PKD1L1: variants seen among roughly 807,000 people sequenced by gnomAD.
The protein encoded by PKD1L1 is polycystin 1 like 1, transient receptor potential channel interacting, also known as polycystin-1-like protein 1.
Under a neutral mutation model 323.4 loss-of-function variants are expected in PKD1L1, and 236 were observed. The observed-to-expected ratio is 0.73, with a 90% CI of 0.66 to 0.81. The LOEUF (loss-of-function observed/expected upper bound fraction) is 0.81. PKD1L1 is among the 40% of genes least tolerant of loss of function. The pLI is 0.00. For synonymous variants in PKD1L1, 1,344 were observed against 1,335.0 expected (o/e 1.01, Z -0.15); for missense variants, 3,320 against 3,508.0 (o/e 0.95, Z 1.35).
intron 52 of PKD1L1, among the ~76,000 whole-genome samples, chr7:47,806,143 G>T (rs1784772470): frequency 6.6e-6 from 1 of 152,196 alleles, no homozygotes; most frequent in Non-Finnish European, 1.5e-5. Flanking sequence ...GCTATTTACT[G>T]CAAGTCACCA....
intron 55 of PKD1L1, among the ~76,000 whole-genome samples, chr7:47,794,668 C>T (rs535104758): frequency 4.6e-5 from 7 of 152,274 alleles, no homozygotes; most frequent in East Asian, 3.9e-4. Flanking sequence ...GATCCTCTGA[C>T]AACTTGCACT....
At chr7:47,959,536 C>T in the PKD1L1 span, among the ~76,000 whole-genome samples, 257 of 147,590 alleles carry the variant, frequency 1.7e-3, no homozygotes, top group African/African-American at 2.4e-3. Context: ...AGGTGAGGAG[C>T]GTCTCTGCCC....
At chr7:47,862,444 C>T (rs1786053710) in intron 26 of PKD1L1, among the ~76,000 whole-genome samples, 2 of 152,094 alleles carry the variant, frequency 1.3e-5, no homozygotes, top group South Asian at 2.1e-4. Context: ...GTATCCATTG[C>T]CCATCTCTCT....
intron 7 of PKD1L1, among the ~76,000 whole-genome samples, chr7:47,922,733 A>G (rs1348504674): frequency 6.9e-6 from 1 of 145,568 alleles, no homozygotes; most frequent in Non-Finnish European, 1.5e-5. Flanking sequence ...CCGTCCGGCC[A>G]GCCGCCCCGT....
In PKD1L1 at chr7:47,910,484, G is replaced by A. The variant is rs557919271; in HGVS notation, c.1229-2234C>T. On this transcript the variant is annotated intron_variant, in intron 8 of 56. Coordinates refer to ENST00000289672, the MANE Select transcript of PKD1L1 (RefSeq NM_138295.5). ...TGAGTAGCTGGGACTACAGGTGCCC[G>A]CCACCATGCCTGGCTAATTTTGTTT... is the stretch of plus-strand genomic sequence containing the variant. Among the ~76,000 whole-genome samples, 13 of 151,594 alleles carry A rather than the reference G, an allele frequency of 8.6e-5. No homozygotes were observed. The East Asian group carries it at 1.8e-3, about 20-fold the overall frequency.
In PKD1L1 at chr7:47,946,489, C is replaced by T. The variant is rs1371258175; in HGVS notation, c.44+1908G>A. Among the ~76,000 whole-genome samples, 4 of 118,122 alleles carry T rather than the reference C, an allele frequency of 3.4e-5. No individual in the cohort carries two copies. Among genetic ancestry groups the T allele is most frequent in the African/African-American group, 8.5e-5 (3 of 35,474 alleles). The allele number at this position is 118,122 out of a possible 152,430, so 77.5% of individuals were successfully genotyped here. A position where few individuals can be genotyped will look rare whatever the true frequency, so the allele number is the denominator to read the frequency against. ...CACACATCGCACACACCACACACCA[C>T]GCACCACACAAACACACCATACACA... On this transcript the variant is annotated intron_variant, in intron 1 of 56. Coordinates refer to ENST00000289672, the MANE Select transcript of PKD1L1 (RefSeq NM_138295.5). The surrounding 1 kb of genome is among the most constrained non-coding windows in gnomAD (Gnocchi z 4.1).
chr7:47,810,350 A>G (rs1304820162), intron 50 of PKD1L1, among the ~76,000 whole-genome samples: 1 of 152,238 alleles, frequency 6.6e-6, no homozygotes, highest in Non-Finnish European at 1.5e-5. Flanking sequence ...GCCATTGCTT[A>G]CAATTTCCAT....
intron 5 of PKD1L1, 53 bp from the exon 6 acceptor site, chr7:47,931,374 A>G: frequency 6.3e-7 from 1 of 1,581,932 alleles, no homozygotes; most frequent in Non-Finnish European, 8.6e-7. Context: ...GTCTGGCATC[A>G]GTAGCTGATG....
chr7:47,899,278 G>A (rs1787025348), intron 13 of PKD1L1, among the ~76,000 whole-genome samples: 1 of 152,174 alleles, frequency 6.6e-6, no homozygotes, highest in Admixed American at 6.5e-5. Context: ...TTAAAGTGAT[G>A]GGTTTGTTGC....
intron 24 of PKD1L1, among the ~76,000 whole-genome samples, chr7:47,867,608 C>T (rs1786194692): frequency 6.6e-6 from 1 of 152,042 alleles, no homozygotes; most frequent in Non-Finnish European, 1.5e-5. Context: ...ATAGAAACTG[C>T]CTATGAGGAG....
intron 26 of PKD1L1, among the ~76,000 whole-genome samples, chr7:47,864,006 A>T (rs79133067): frequency 0.016 from 2,477 of 152,188 alleles, 65 homozygotes; most frequent in African/African-American, 0.055. Context: ...ATTTTTTTTT[A>T]AAATAAGTGA....
the PKD1L1 span, among the ~76,000 whole-genome samples, chr7:47,954,442 G>T: frequency 6.6e-6 from 1 of 152,282 alleles, no homozygotes; most frequent in South Asian, 2.1e-4. Flanking sequence ...GTTACCAGGA[G>T]AATGAGTTGT....
intron 49 of PKD1L1, among the ~76,000 whole-genome samples, chr7:47,812,267 C>T (rs1584960558): frequency 6.6e-6 from 1 of 152,104 alleles, no homozygotes. Flanking sequence ...CCACCCTCTT[C>T]CCTGCAGCAG....
chr7:47,838,342 G>C (rs1228700003), intron 36 of PKD1L1, among the ~76,000 whole-genome samples: 4 of 152,166 alleles, frequency 2.6e-5, no homozygotes, highest in African/African-American at 9.7e-5. Context: ...GCGACACTGG[G>C]GACTGTCTGA....
chr7:47,911,886 AG>A (rs547648882), intron 8 of PKD1L1, among the ~76,000 whole-genome samples: 42 of 151,908 alleles, frequency 2.8e-4, no homozygotes, highest in Admixed American at 1.1e-3. Flanking sequence ...CAGTTAGTTC[AG>A]AAAAAAATGC....
rs1786882790 is a variant in PKD1L1 at position 47,894,045 on chromosome 7, G to C, written c.2286C>G (p.Gly762=). The change falls in exon 15 of 57, where the codon GGC becomes GGG. Residue 762 remains glycine, a synonymous_variant. Coordinates refer to ENST00000289672, the MANE Select transcript of PKD1L1 (RefSeq NM_138295.5). ...YTALAKVQIE[G]SVVYSNYCVG... ...CACAGTAGTTGCTGTACACCACACTGCCTTCAATCTGAACCTGCAGGGGCA... is the reference window on the plus strand; with the variant it reads ...CACAGTAGTTGCTGTACACCACACTCCCTTCAATCTGAACCTGCAGGGGCA... 1 of 1,569,140 alleles carries C rather than the reference G, an allele frequency of 6.4e-7. No homozygotes were observed. The highest frequency in any genetic ancestry group is 8.6e-7 in the Non-Finnish European group (1 of 1,156,516).
chr7:47,797,569 T>C (rs962682717), intron 54 of PKD1L1, among the ~76,000 whole-genome samples: 1 of 152,218 alleles, frequency 6.6e-6, no homozygotes, highest in Non-Finnish European at 1.5e-5. Flanking sequence ...GAGACCTCAA[T>C]GCAATATTGC....
intron 1 of PKD1L1, among the ~76,000 whole-genome samples, chr7:47,947,441 C>T (rs568746448): frequency 6.6e-6 from 1 of 152,364 alleles, no homozygotes; most frequent in East Asian, 1.9e-4. Context: ...GCAAGATCTG[C>T]AGGCACAGGC....
intron 18 of PKD1L1, among the ~76,000 whole-genome samples, chr7:47,885,303 C>T (rs1262115968): frequency 5.3e-5 from 8 of 152,146 alleles, no homozygotes; most frequent in Non-Finnish European, 8.8e-5. Context: ...ATTACCTTTT[C>T]TCTCCATTTT....
Sources: gnomAD v4.1 joint callset for allele counts (sites outside exome capture counted in the v4.1 genomes callset) on GRCh38, gnomAD v4.1.1 for gene constraint, Gnocchi (gnomAD v3.1) non-coding constraint, MANE v1.5 for transcripts, NCBI Gene and HGNC (gene_info 2026-07-23, HGNC 2026-07-21) for gene names.